EIF2S2: variants seen among roughly 807,000 people sequenced by gnomAD.
EIF2S2 encodes eukaryotic translation initiation factor 2 subunit 2.
A neutral mutation model predicts 44.0 loss-of-function variants in EIF2S2; 4 were observed. That is an observed-to-expected ratio of 0.09 (90% CI 0.04 to 0.21). The LOEUF is 0.21. Among genes scored for constraint, EIF2S2 ranks in the 10% least tolerant of loss-of-function variants. EIF2S2 has a pLI of 1.00. For synonymous variants in EIF2S2, 108 were observed against 128.3 expected (o/e 0.84, Z 1.07); for missense variants, 154 against 392.0 (o/e 0.39, Z 5.13).
At chr20:34,103,279 G>C (rs1040413441) in intron 3 of EIF2S2, among the ~76,000 whole-genome samples, 183 bp downstream of exon 3, 1 of 152,068 alleles carries the variant, frequency 6.6e-6, no homozygotes, top group African/African-American at 2.4e-5. Context: ...TAAATTCCTT[G>C]AACCACAATC....
At chr20:34,101,730 A>G (rs527792203) in intron 3 of EIF2S2, among the ~76,000 whole-genome samples, 1 of 145,072 alleles carries the variant, frequency 6.9e-6, no homozygotes, top group South Asian at 2.2e-4. Context: ...GCTGGAGTGC[A>G]GTGGCGCTAT....
chr20:34,109,443 T>C (rs2122442057), intron 1 of EIF2S2, among the ~76,000 whole-genome samples: 1 of 151,912 alleles, frequency 6.6e-6, no homozygotes, highest in Non-Finnish European at 1.5e-5. Context: ...AGGAAGACTG[T>C]TTGAGGCCAG....
chr20:34,095,563 C>T (rs578234365), intron 6 of EIF2S2, among the ~76,000 whole-genome samples: 5 of 152,306 alleles, frequency 3.3e-5, no homozygotes, highest in Admixed American at 1.3e-4. Context: ...CCGCCCACCT[C>T]GGCCTCCCAA....
chr20:34,102,582 C>T (rs1280015695), intron 3 of EIF2S2, among the ~76,000 whole-genome samples: 3 of 152,152 alleles, frequency 2.0e-5, no homozygotes, highest in Non-Finnish European at 4.4e-5. Context: ...ACATTTCCTG[C>T]TACATGTGGG....
rs4012181 is a variant in EIF2S2 at position 34,091,776 on chromosome 20, T to TTTGGGG, written c.741-1175_741-1174insCCCCAA. 7.0e-4 allele frequency among the ~76,000 whole-genome samples: 67 copies of TTTGGGG among 95,820 alleles called. 10 individuals carry two copies. The highest frequency in any genetic ancestry group is 8.1e-4 in the Non-Finnish European group (40 of 49,312). The allele number at this position is 95,820 out of a possible 152,430, so 62.9% of individuals were successfully genotyped here. ...TATTATTTATATATATTTATTTTTTTGGGGGGGGGGGGTCCAAGGGTGGAG... is the reference window on the plus strand; with the variant it reads ...TATTATTTATATATATTTATTTTTTTTTGGGGGGGGGGGGGGGGTCCAAGGGTGGAG... On this transcript the variant is annotated intron_variant, in intron 7 of 8. Coordinates refer to ENST00000374980, the MANE Select transcript of EIF2S2 (RefSeq NM_003908.5).
intron 6 of EIF2S2, among the ~76,000 whole-genome samples, chr20:34,094,398 C>T (rs1044180375): frequency 2.0e-5 from 3 of 151,976 alleles, no homozygotes; most frequent in African/African-American, 4.8e-5. Flanking sequence ...GTTTTTGAGA[C>T]TATCATAAAA....
At chr20:34,098,681 T>A (rs2034261121) in intron 3 of EIF2S2, 48 bp from the exon 4 acceptor site, 1 of 1,554,942 alleles carries the variant, frequency 6.4e-7, no homozygotes, top group Non-Finnish European at 8.7e-7. Context: ...GACTATTCTT[T>A]TTTATTTATT....
At position 34,089,123 on chromosome 20, in the gene EIF2S2, TGGC is replaced by T. The variant is rs1254135234; in HGVS notation, c.*604_*606del. On this transcript the variant is annotated 3_prime_UTR_variant, in exon 9 of 9. Transcript: ENST00000374980. Reference sequence around the variant, plus strand: ...ATGTGGTAACAGCTGGGGGAGGACTTGGCGGTGAGGTAGTAGCAACCATCCCCA... The same window carrying T: ...ATGTGGTAACAGCTGGGGGAGGACTTGGTGAGGTAGTAGCAACCATCCCCA... The T allele has an allele frequency of 6.5e-6, 1 of 152,744 alleles. No homozygotes were observed. Among genetic ancestry groups the T allele is most frequent in the Non-Finnish European group, 1.5e-5 (1 of 68,160 alleles). 9.5% of individuals were successfully genotyped at this position (152,744 alleles called of 1,614,324 possible). A position where few individuals can be genotyped will look rare whatever the true frequency, so the allele number is the denominator to read the frequency against.
chr20:34,105,425 G>A lies in EIF2S2; in HGVS notation c.136C>T (p.Pro46Ser), dbSNP rs151043078. The change falls in exon 2 of 9, where the codon CCA (proline) becomes TCA (serine). Residue 46 changes from proline to serine, a missense_variant. Pro to Ser is a moderately conservative substitution (Grantham distance 74). Transcript: ENST00000374980. ...TQPSETKEVEPEPTEDKDLEA... is the reference protein window; with the variant it reads ...TQPSETKEVESEPTEDKDLEA... ...AAATCCTTGTCCTCAGTTGGCTCTGGCTCCACTTCTTTTGTTTCTGAAGGC... is the reference window on the plus strand; with the variant it reads ...AAATCCTTGTCCTCAGTTGGCTCTGACTCCACTTCTTTTGTTTCTGAAGGC... The A allele has an allele frequency of 6.2e-6, 10 of 1,613,892 alleles. No homozygotes were observed. The African/African-American group carries it at 1.3e-4, about 22-fold the overall frequency.
At chr20:34,101,492 C>G (rs544777099) in intron 3 of EIF2S2, among the ~76,000 whole-genome samples, 24 of 152,046 alleles carry the variant, frequency 1.6e-4, no homozygotes, top group Non-Finnish European at 2.9e-4. Context: ...ACCATACAAA[C>G]AGGACACCAG....
At chr20:34,104,316 T>A (rs996729444) in intron 2 of EIF2S2, among the ~76,000 whole-genome samples, 6 of 152,144 alleles carry the variant, frequency 3.9e-5, no homozygotes, top group Non-Finnish European at 8.8e-5. Flanking sequence ...CTTACCTCCA[T>A]CTCACAGGAT....
At chr20:34,093,943 A>C (rs544806063) in intron 6 of EIF2S2, among the ~76,000 whole-genome samples, 1 of 152,276 alleles carries the variant, frequency 6.6e-6, no homozygotes, top group African/African-American at 2.4e-5. Flanking sequence ...CCCAGGCTGG[A>C]GTGCAGTGAT....
chr20:34,107,847 G>C (rs1425487411), intron 1 of EIF2S2, among the ~76,000 whole-genome samples: 1 of 152,128 alleles, frequency 6.6e-6, no homozygotes, highest in Non-Finnish European at 1.5e-5. Flanking sequence ...CCCTTAACAA[G>C]GATCCAACTG....
At chr20:34,106,722 C>T (rs537712999) in intron 1 of EIF2S2, among the ~76,000 whole-genome samples, 1 of 152,244 alleles carries the variant, frequency 6.6e-6, no homozygotes, top group South Asian at 2.1e-4. Flanking sequence ...GAGGACCATG[C>T]CTTGCCCCAA....
chr20:34,088,579 G>C lies in EIF2S2; in HGVS notation c.*1151C>G, dbSNP rs1449515202. On this transcript the variant is annotated 3_prime_UTR_variant, in exon 9 of 9. Transcript: ENST00000374980. ...TAAAAACAACACAGTCAAGACATTT[G>C]GGTCTGAGTGACTGCTCCTGAGCTG... 1 of 152,638 alleles carries C rather than the reference G, an allele frequency of 6.6e-6. No individual in the cohort carries two copies. The highest frequency in any genetic ancestry group is 1.9e-4 in the East Asian group (1 of 5,190). The allele number at this position is 152,638 out of a possible 1,614,324, so 9.5% of individuals were successfully genotyped here.
chr20:34,094,763 T>C (rs2034208138), intron 6 of EIF2S2, among the ~76,000 whole-genome samples: 1 of 151,982 alleles, frequency 6.6e-6, no homozygotes, highest in Admixed American at 6.6e-5. Flanking sequence ...TATAGAGCAA[T>C]GCCATTCAAT....
chr20:34,090,491 T>A, intron 8 of EIF2S2, 26 bp downstream of exon 8: 1 of 1,349,496 alleles, frequency 7.4e-7, no homozygotes. Context: ...TTCAGGGTGA[T>A]CTAATGAAAT....
In EIF2S2 at chr20:34,105,445, G is replaced by A. The variant is rs889637428; in HGVS notation, c.116C>T (p.Ser39Leu). Reference protein sequence around the residue: ...GDTQTEETQPSETKEVEPEPT... With the variant: ...GDTQTEETQPLETKEVEPEPT... The stretch of plus-strand genomic sequence containing the variant: ...CTCTGGCTCCACTTCTTTTGTTTCT[G>A]AAGGCTGGGTTTCCTCTGTTTGGGT... The change falls in exon 2 of 9, where the codon TCA (serine) becomes TTA (leucine). Residue 39 changes from serine (S) to leucine (L), a missense_variant. Ser to Leu is a moderately radical substitution (Grantham distance 145, BLOSUM62 -2). This residue lies in a region of EIF2S2 where 134 missense variants were observed against 225.0 expected (regional missense o/e 0.60). Coordinates refer to ENST00000374980, the MANE Select transcript of EIF2S2 (RefSeq NM_003908.5). The A allele has an allele frequency of 8.1e-6, 13 of 1,614,042 alleles. No homozygotes were observed. In the Admixed American group the frequency reaches 2.0e-4, roughly 25 times the overall value.
At chr20:34,111,115 C>T (rs1461183643) in intron 1 of EIF2S2, among the ~76,000 whole-genome samples, 1 of 152,220 alleles carries the variant, frequency 6.6e-6, no homozygotes, top group Non-Finnish European at 1.5e-5. Flanking sequence ...GTCTTCACAG[C>T]CCTCCATGAA....
Sources: allele counts gnomAD v4.1 joint callset (sites outside exome capture counted in the v4.1 genomes callset), GRCh38; gene constraint gnomAD v4.1.1; regional missense constraint gnomAD v4.1.1; transcripts MANE v1.5; gene names NCBI Gene and HGNC (gene_info 2026-07-23, HGNC 2026-07-21).